The following MYZAP variants were observed in gnomAD, a reference collection of about 807,000 sequenced individuals.
The protein encoded by MYZAP is myocardial zonula adherens protein, also known as GRINL1A complex locus upstream.
Under a neutral mutation model 69.4 loss-of-function variants are expected in MYZAP, and 66 were observed. The observed-to-expected ratio is 0.95, with a 90% CI of 0.78 to 1.17. The LOEUF (loss-of-function observed/expected upper bound fraction) is 1.17. Among genes scored for constraint, MYZAP ranks in the 50% most tolerant of loss-of-function variants. MYZAP has a pLI of 0.00. For synonymous variants in MYZAP, 256 were observed against 205.9 expected (o/e 1.24, Z -2.09); for missense variants, 611 against 556.2 (o/e 1.10, Z -0.99).
At chr15:57,611,153 A>T (rs2035080312) in intron 2 of MYZAP, among the ~76,000 whole-genome samples, 1 of 152,190 alleles carries the variant, frequency 6.6e-6, no homozygotes, top group Non-Finnish European at 1.5e-5. Context: ...TGTATTCTTT[A>T]GACTGCCCAC....
chr15:57,616,592 C>T (rs1223407383), intron 2 of MYZAP, among the ~76,000 whole-genome samples: 1 of 151,948 alleles, frequency 6.6e-6, no homozygotes, highest in Non-Finnish European at 1.5e-5. Context: ...GCCAAGATTG[C>T]GCCGCTGCTC....
intron 11 of MYZAP, among the ~76,000 whole-genome samples, chr15:57,673,452 ATGCG>A (rs1313618872): frequency 3.4e-5 from 4 of 118,816 alleles, no homozygotes; most frequent in African/African-American, 1.3e-4. Context: ...ACGTGTGCGC[ATGCG>A]TGCATGCGTG....
intron 1 of MYZAP, among the ~76,000 whole-genome samples, chr15:57,600,589 C>T (rs968373027): frequency 6.6e-6 from 1 of 152,120 alleles, no homozygotes; most frequent in African/African-American, 2.4e-5. Flanking sequence ...TGATTGGACC[C>T]ATGGGACCCC....
intron 4 of MYZAP, among the ~76,000 whole-genome samples, chr15:57,623,724 C>A (rs2035956680): frequency 7.3e-6 from 1 of 137,850 alleles, no homozygotes; most frequent in African/African-American, 2.7e-5. Flanking sequence ...CAGAGTGAGA[C>A]CCTGTTTCAA....
intron 11 of MYZAP, among the ~76,000 whole-genome samples, chr15:57,667,745 AC>A (rs2038652987): frequency 6.6e-6 from 1 of 152,234 alleles, no homozygotes; most frequent in Admixed American, 6.5e-5. Flanking sequence ...TTATTAACTT[AC>A]ATAAATAAGT....
chr15:57,678,952 G>A (rs940425769), intron 12 of MYZAP, among the ~76,000 whole-genome samples: 14 of 152,020 alleles, frequency 9.2e-5, no homozygotes, highest in African/African-American at 1.4e-4. Flanking sequence ...CGAGGCGGGC[G>A]GATCACCTGA....
intron 3 of MYZAP, among the ~76,000 whole-genome samples, chr15:57,620,762 A>G (rs2035755989): frequency 6.6e-6 from 1 of 152,126 alleles, no homozygotes; most frequent in Non-Finnish European, 1.5e-5. Context: ...GGGCCGATAG[A>G]GGGAAAATTA....
intron 1 of MYZAP, among the ~76,000 whole-genome samples, chr15:57,598,836 G>A (rs1038020103): frequency 1.3e-5 from 2 of 152,184 alleles, no homozygotes; most frequent in Non-Finnish European, 2.9e-5. Context: ...CGCCTTGCCT[G>A]ATAGCTGTCT....
At chr15:57,662,743 C>T (rs1358336027) in intron 11 of MYZAP, among the ~76,000 whole-genome samples, 1 of 152,114 alleles carries the variant, frequency 6.6e-6, no homozygotes, top group Non-Finnish European at 1.5e-5. Context: ...AAGAAGTCTG[C>T]CCAAGGTTAC....
intron 2 of MYZAP, among the ~76,000 whole-genome samples, chr15:57,611,069 C>A (rs1276981790): frequency 6.6e-6 from 1 of 152,124 alleles, no homozygotes; most frequent in Non-Finnish European, 1.5e-5. Context: ...AGAAACCACA[C>A]CACCAATACT....
At chr15:57,669,153 T>G (rs1369785294) in intron 11 of MYZAP, among the ~76,000 whole-genome samples, 3 of 152,172 alleles carry the variant, frequency 2.0e-5, no homozygotes, top group African/African-American at 4.8e-5. Flanking sequence ...GTTCCCAAAG[T>G]ACTGGGATTA....
At chr15:57,665,375 G>C (rs1371403758) in intron 11 of MYZAP, among the ~76,000 whole-genome samples, 1 of 152,354 alleles carries the variant, frequency 6.6e-6, no homozygotes, top group South Asian at 2.1e-4. Flanking sequence ...TCAAGTCTTA[G>C]AGTTTAAGTG....
intron 3 of MYZAP, among the ~76,000 whole-genome samples, chr15:57,619,778 C>T (rs1312848546): frequency 6.6e-6 from 1 of 152,164 alleles, no homozygotes; most frequent in African/African-American, 2.4e-5. Flanking sequence ...CACTTAAATG[C>T]TCCGGAGGTA....
At position 57,615,307 on chromosome 15, in the gene MYZAP, G is replaced by A. The variant is rs568924889; in HGVS notation, c.163-2726G>A. 2.0e-5 allele frequency among the ~76,000 whole-genome samples: 3 copies of A among 152,276 alleles called. No individual in the cohort carries two copies. The South Asian group carries it at 6.2e-4, about 32-fold the overall frequency. On this transcript the variant is annotated intron_variant, in intron 2 of 12. Coordinates refer to ENST00000267853, the MANE Select transcript of MYZAP (RefSeq NM_001018100.5). ...AACACACAGTCTTCAAACAAAAAAT[G>A]AAAATTTGAAATTTATGATTTTTCA...
chr15:57,597,074 C>A (rs1567197210), intron 1 of MYZAP, among the ~76,000 whole-genome samples: 1 of 152,210 alleles, frequency 6.6e-6, no homozygotes, highest in Non-Finnish European at 1.5e-5. Flanking sequence ...GGAAGAGAAG[C>A]CTTGGGTTAA....
intron 1 of MYZAP, among the ~76,000 whole-genome samples, chr15:57,597,393 G>A (rs1249619300): frequency 6.6e-6 from 1 of 152,232 alleles, no homozygotes; most frequent in Admixed American, 6.5e-5. Context: ...ATTCTAATGT[G>A]CAGCAAGGCT....
intron 1 of MYZAP, among the ~76,000 whole-genome samples, chr15:57,594,202 A>T (rs1595841528): frequency 6.6e-6 from 1 of 152,036 alleles, no homozygotes; most frequent in South Asian, 2.1e-4. Flanking sequence ...TGCAGCCTCC[A>T]CCTCCCAGGT....
At chr15:57,629,088 C>CAAAAAAAAAAAAA (rs1274144448) in intron 5 of MYZAP, among the ~76,000 whole-genome samples, 29 of 115,082 alleles carry the variant, frequency 2.5e-4, no homozygotes, top group Non-Finnish European at 2.8e-4. Context: ...GTCTCAAAAA[C>CAAAAAAAAAAAAA]AAAAAAAAAA....
intron 2 of MYZAP, 111 bp downstream of exon 2, chr15:57,604,466 T>A (rs1323637023): frequency 8.6e-7 from 1 of 1,160,092 alleles, no homozygotes; most frequent in African/African-American, 1.5e-5. Flanking sequence ...TGCACCTCTG[T>A]TGAGGAGAAG....
Sources: allele counts gnomAD v4.1 joint callset (sites outside exome capture counted in the v4.1 genomes callset), GRCh38; gene constraint gnomAD v4.1.1; transcripts MANE v1.5; gene names NCBI Gene and HGNC (gene_info 2026-07-23, HGNC 2026-07-21).